NMBR: variants seen among roughly 807,000 people sequenced by gnomAD.
The protein encoded by NMBR is neuromedin B receptor, also known as neuromedin-B receptor.
A neutral mutation model predicts 20.5 loss-of-function variants in NMBR; 16 were observed. The observed-to-expected ratio is 0.78, with a 90% CI of 0.53 to 1.19. The LOEUF is 1.19. Ranked by LOEUF, NMBR falls within the 50% of genes most tolerant of loss-of-function variation. NMBR has a pLI of 0.00. For synonymous variants in NMBR, 212 were observed against 196.6 expected (o/e 1.08, Z -0.65); for missense variants, 582 against 499.1 (o/e 1.17, Z -1.58).
At chr6:142,134,773 A>G (rs1214814714) in intron 1 of NMBR, 3 of 692,942 alleles carry the variant, frequency 4.3e-6, no homozygotes, top group South Asian at 1.5e-5. Flanking sequence ...TGGGGAAAAC[A>G]TGATTATAAG....
chr6:142,134,454 T>C, intron 1 of NMBR: 1 of 458,078 alleles, frequency 2.2e-6, no homozygotes. Context: ...CTGTTGAGAG[T>C]TAGTGGGGTT....
Position 142,075,328 on chromosome 6 carries a change from A to T in NMBR, c.*320T>A, listed in dbSNP as rs568339116. Among the ~76,000 whole-genome samples the T allele has an allele frequency of 6.6e-6, 1 of 152,296 alleles. No individual in the cohort carries two copies. Among genetic ancestry groups the T allele is most frequent in the Admixed American group, 6.5e-5 (1 of 15,290 alleles). On this transcript the variant is annotated 3_prime_UTR_variant, in exon 4 of 4. Coordinates refer to ENST00000258042, the MANE Select transcript of NMBR (RefSeq NM_002511.4). ...CTAAATACTAAAGCAATGTTAAATTATACATATTGCATTGGTTTGGGGATC... is the reference window on the plus strand; with the variant it reads ...CTAAATACTAAAGCAATGTTAAATTTTACATATTGCATTGGTTTGGGGATC...
At chr6:142,100,873 G>T (rs958819383) in intron 1 of NMBR, among the ~76,000 whole-genome samples, 1 of 152,162 alleles carries the variant, frequency 6.6e-6, no homozygotes, top group African/African-American at 2.4e-5. Context: ...GTCTTAGTCT[G>T]TTCAGACTGC....
chr6:142,078,643 A>G lies in NMBR; in HGVS notation c.683T>C (p.Ile228Thr), dbSNP rs1348217434. The G allele has an allele frequency of 6.2e-7, 1 of 1,611,842 alleles. No individual in the cohort carries two copies. Among genetic ancestry groups the G allele is most frequent in the East Asian group, 2.2e-5 (1 of 44,886 alleles). The change falls in exon 3 of 4, where the codon ATT becomes ACT. Residue 228 changes from isoleucine to threonine, a missense_variant. Coordinates refer to ENST00000258042, the MANE Select transcript of NMBR (RefSeq NM_002511.4). ...TGCAATATGATAATAATAAATGCTAATAATAGCAAGTGGTATGAGGAAATA... is the reference window on the plus strand; with the variant it reads ...TGCAATATGATAATAATAAATGCTAGTAATAGCAAGTGGTATGAGGAAATA... The part of the protein sequence containing the change: ...LVYFLIPLAI[I>T]SIYYYHIAKT...
In NMBR at chr6:142,094,738, T is replaced by C. The variant is rs1361248314; in HGVS notation, c.-663-5417A>G. On this transcript the variant is annotated intron_variant, in intron 1 of 3. Coordinates refer to ENST00000258042, the MANE Select transcript of NMBR (RefSeq NM_002511.4). Reference sequence around the variant, plus strand: ...ATGGCATTGAATCTATAAATTACCTTGGGCAGTATGTCCATTTCCACGATA... The same window carrying C: ...ATGGCATTGAATCTATAAATTACCTCGGGCAGTATGTCCATTTCCACGATA... Among the ~76,000 whole-genome samples the C allele has an allele frequency of 3.3e-5, 5 of 152,326 alleles. No homozygotes were observed. In the East Asian group the frequency reaches 9.6e-4, roughly 29 times the overall value.
chr6:142,146,247 G>A (rs530778207), intron 1 of NMBR, among the ~76,000 whole-genome samples: 8 of 152,280 alleles, frequency 5.3e-5, no homozygotes, highest in African/African-American at 1.7e-4. Context: ...GTTTCTTCTG[G>A]GGGTGAGAGA....
At chr6:142,104,426 G>A (rs1054881191) in intron 1 of NMBR, among the ~76,000 whole-genome samples, 22 of 152,194 alleles carry the variant, frequency 1.4e-4, no homozygotes, top group East Asian at 5.8e-4. Context: ...GGCTTCTCTC[G>A]CCTTTGGATG....
chr6:142,133,953 C>G (rs187417853), intron 1 of NMBR: 25 of 702,408 alleles, frequency 3.6e-5, no homozygotes, highest in South Asian at 2.1e-4. Flanking sequence ...GGGAATGAGG[C>G]CTTGCACTTC....
chr6:142,115,361 G>T (rs182723389), intron 1 of NMBR, among the ~76,000 whole-genome samples: 6 of 152,136 alleles, frequency 3.9e-5, no homozygotes, highest in Non-Finnish European at 8.8e-5. Flanking sequence ...AAAAAATAAG[G>T]CCTATTTGAG....
chr6:142,105,297 G>C (rs931354252), intron 1 of NMBR, among the ~76,000 whole-genome samples: 3 of 152,104 alleles, frequency 2.0e-5, no homozygotes, highest in Admixed American at 6.6e-5. Flanking sequence ...TATACGTGCA[G>C]GTCACAGGCG....
In NMBR at chr6:142,089,386, C is replaced by T. The variant is rs181067067; in HGVS notation, c.-663-65G>A. On this transcript the variant is annotated intron_variant, in intron 1 of 3. Transcript: ENST00000258042. ...GAATGAAGCTCATAAATGAAATCCT[C>T]TCGCTACTCTTCTTCTGATCATCTA... is the stretch of plus-strand genomic sequence containing the variant. Among the ~76,000 whole-genome samples the T allele has an allele frequency of 1.1e-4, 16 of 152,328 alleles. No homozygotes were observed. In the East Asian group the frequency reaches 2.9e-3, roughly 28 times the overall value.
intron 1 of NMBR, among the ~76,000 whole-genome samples, chr6:142,129,345 A>C (rs1360918029): frequency 6.6e-6 from 1 of 152,188 alleles, no homozygotes; most frequent in South Asian, 2.1e-4. Flanking sequence ...TTGAGCAAAC[A>C]CCCTTGTATT....
intron 1 of NMBR, among the ~76,000 whole-genome samples, chr6:142,106,321 C>T (rs1562240636): frequency 6.6e-6 from 1 of 152,156 alleles, no homozygotes; most frequent in Non-Finnish European, 1.5e-5. Context: ...AGTCTGGGTA[C>T]TGAGAACTTG....
At chr6:142,144,700 A>T (rs1385764818) in intron 1 of NMBR, among the ~76,000 whole-genome samples, 1 of 152,228 alleles carries the variant, frequency 6.6e-6, no homozygotes, top group African/African-American at 2.4e-5. Context: ...TGTTACACTA[A>T]CACTGTCTCT....
chr6:142,078,962 A>AAAAG, intron 2 of NMBR, 59 bp from the exon 3 acceptor site: 1 of 1,241,944 alleles, frequency 8.1e-7, no homozygotes, highest in Non-Finnish European at 1.1e-6. Flanking sequence ...AAAGAGAAAG[A>AAAAG]AAAGAAAGAA....
At chr6:142,145,887 T>G (rs1423795580) in intron 1 of NMBR, among the ~76,000 whole-genome samples, 3 of 152,132 alleles carry the variant, frequency 2.0e-5, no homozygotes, top group Non-Finnish European at 4.4e-5. Flanking sequence ...GCTTTAAAGT[T>G]GATCTTTAAG....
chr6:142,115,941 G>A (rs956155635), intron 1 of NMBR, among the ~76,000 whole-genome samples: 9 of 151,980 alleles, frequency 5.9e-5, no homozygotes, highest in Admixed American at 5.9e-4. Flanking sequence ...GTTGTGGGAG[G>A]AACCCGGTGG....
At chr6:142,084,973 A>G (rs576153687) in intron 2 of NMBR, among the ~76,000 whole-genome samples, 1 of 152,358 alleles carries the variant, frequency 6.6e-6, no homozygotes, top group South Asian at 2.1e-4. Context: ...CTTTTAATCA[A>G]CTACTTTATG....
At chr6:142,079,150 G>GAAAGAAAGAAAGAAAGAAAGAAAA in intron 2 of NMBR, among the ~76,000 whole-genome samples, 1 of 77,042 alleles carries the variant, frequency 1.3e-5, no homozygotes, top group African/African-American at 7.3e-5. Flanking sequence ...AGAAAAAGAA[G>GAAAGAAAGAAAGAAAGAAAGAAAA]AGAGGAGAGG....
Sources: gnomAD v4.1 joint callset for allele counts (sites outside exome capture counted in the v4.1 genomes callset) on GRCh38, gnomAD v4.1.1 for gene constraint, MANE v1.5 for transcripts, NCBI Gene and HGNC (gene_info 2026-07-23, HGNC 2026-07-21) for gene names.